Variants in BACH2 observed in about 807,000 individuals in gnomAD.
BACH2 encodes transcription regulator protein BACH2.
Under a neutral mutation model 61.8 loss-of-function variants are expected in BACH2, and 5 were observed. The observed-to-expected ratio is 0.08, with a 90% CI of 0.04 to 0.17. The LOEUF (loss-of-function observed/expected upper bound fraction) is 0.17, where lower values mean the gene tolerates loss of function less well. BACH2 is among the 10% of genes least tolerant of loss of function. BACH2 has a pLI of 1.00. For synonymous variants in BACH2, 446 were observed against 440.1 expected (o/e 1.01, Z -0.17); for missense variants, 824 against 1,091.1 (o/e 0.76, Z 3.45).
intron 5 of BACH2, among the ~76,000 whole-genome samples, chr6:90,081,823 C>G (rs1244577769): frequency 6.6e-6 from 1 of 152,062 alleles, no homozygotes; most frequent in African/African-American, 2.4e-5. Context: ...TCTAACAATT[C>G]CTTAAATTTT....
At chr6:90,139,615 G>C (rs1278642509) in intron 4 of BACH2, among the ~76,000 whole-genome samples, 2 of 152,288 alleles carry the variant, frequency 1.3e-5, no homozygotes, top group African/African-American at 4.8e-5. Context: ...GAGGGGTAGG[G>C]GTTGGGGATA....
chr6:90,296,321 AGGGCGCGGGGAG>A (rs1772385839), intron 1 of BACH2, among the ~76,000 whole-genome samples, 147 bp downstream of exon 1: 1 of 151,134 alleles, frequency 6.6e-6, no homozygotes, highest in Admixed American at 6.6e-5. Flanking sequence ...AAAAGCGGGC[AGGGCGCGGGGAG>A]GGCGGCTGCG....
chr6:90,156,751 GAAC>G (rs1328523511), intron 4 of BACH2, among the ~76,000 whole-genome samples: 3 of 152,030 alleles, frequency 2.0e-5, no homozygotes, highest in East Asian at 1.9e-4. Context: ...AGCCCTGCAG[GAAC>G]AACAACAACA....
intron 7 of BACH2, among the ~76,000 whole-genome samples, chr6:89,939,933 C>T (rs991499192): frequency 6.7e-6 from 1 of 149,550 alleles, no homozygotes; most frequent in African/African-American, 2.5e-5. Flanking sequence ...AACTCCTGGG[C>T]TCAAGTGATT....
chr6:89,931,888 C>T lies in BACH2; in HGVS notation c.*520G>A, dbSNP rs190859281. ...TGTTTCTAAATGAGAAATAAGTTTC[C>T]AGTTTTAGGATGAGAAAGTTGAGGC... is the stretch of plus-strand genomic sequence containing the variant. On this transcript the variant is annotated 3_prime_UTR_variant, in exon 9 of 9. Coordinates refer to ENST00000257749, the MANE Select transcript of BACH2 (RefSeq NM_021813.4). The T allele has an allele frequency of 2.0e-5, 3 of 149,796 alleles. No homozygotes were observed. The East Asian group carries it at 5.7e-4, about 29-fold the overall frequency. 9.3% of individuals were successfully genotyped at this position (149,796 alleles called of 1,614,324 possible).
intron 3 of BACH2, among the ~76,000 whole-genome samples, chr6:90,213,801 T>C (rs1193857133): frequency 3.9e-5 from 6 of 152,182 alleles, no homozygotes; most frequent in Admixed American, 3.9e-4. Context: ...CAAATTTAAT[T>C]ATAATGTTTG....
At position 89,934,444 on chromosome 6, in the gene BACH2, G is replaced by A. The variant is rs572139363; in HGVS notation, c.2044-1554C>T. On this transcript the variant is annotated intron_variant, in intron 8 of 8. Coordinates refer to ENST00000257749, the MANE Select transcript of BACH2 (RefSeq NM_021813.4). Reference sequence around the variant, plus strand: ...CGGCTGAGATGGGCAGATCACTTGAGGTCAGGAGTTCGAGACCAGCCTGGC... The same window carrying A: ...CGGCTGAGATGGGCAGATCACTTGAAGTCAGGAGTTCGAGACCAGCCTGGC... Among the ~76,000 whole-genome samples, 37 of 152,272 alleles carry A rather than the reference G, an allele frequency of 2.4e-4. 1 individual carries two copies. The South Asian group carries it at 5.6e-3, about 23-fold the overall frequency.
chr6:90,116,581 C>A (rs1051485686), intron 4 of BACH2: 3 of 187,320 alleles, frequency 1.6e-5, no homozygotes, highest in Admixed American at 1.1e-4. Flanking sequence ...ATCTATATAA[C>A]AAACCTTCAC....
Position 90,259,189 on chromosome 6 carries a change from T to C in BACH2, c.-352-6599A>G, listed in dbSNP as rs934443091. On this transcript the variant is annotated intron_variant, in intron 2 of 8. Transcript: ENST00000257749. ...ACTTTCAGTTTTCCCCCATGTATTA[T>C]AATGTTAGCTGTGGGTTTTTCATAA... 3.3e-5 allele frequency among the ~76,000 whole-genome samples: 5 copies of C among 152,236 alleles called. No individual in the cohort carries two copies. The East Asian group carries it at 7.7e-4, about 23-fold the overall frequency.
intron 8 of BACH2, among the ~76,000 whole-genome samples, chr6:89,934,579 A>C (rs1185122869): frequency 6.6e-6 from 1 of 152,134 alleles, no homozygotes; most frequent in Non-Finnish European, 1.5e-5. Flanking sequence ...GAATTGCTTG[A>C]ATCCGGGAGG....
At chr6:89,994,847 T>C (rs1179925580) in intron 6 of BACH2, among the ~76,000 whole-genome samples, 2 of 152,228 alleles carry the variant, frequency 1.3e-5, no homozygotes, top group African/African-American at 2.4e-5. Context: ...AAGAACTCCA[T>C]TACATTTCTA....
intron 3 of BACH2, among the ~76,000 whole-genome samples, chr6:90,216,251 C>T (rs1769531845): frequency 6.6e-6 from 1 of 152,204 alleles, no homozygotes; most frequent in Admixed American, 6.5e-5. Flanking sequence ...CTGTGGAAAG[C>T]TCCACATTCC....
chr6:90,020,193 C>A (rs1205043153), intron 5 of BACH2, among the ~76,000 whole-genome samples: 1 of 152,130 alleles, frequency 6.6e-6, no homozygotes, highest in East Asian at 1.9e-4. Context: ...ATGGAACATA[C>A]CTTTCTGCTT....
intron 2 of BACH2, among the ~76,000 whole-genome samples, chr6:90,264,779 C>A (rs141801561): frequency 3.3e-5 from 5 of 152,176 alleles, no homozygotes; most frequent in African/African-American, 1.2e-4. Flanking sequence ...CCAGTGAGAC[C>A]CTGGTTCACC....
At chr6:90,011,974 GTA>G (rs1554227969) in intron 5 of BACH2, among the ~76,000 whole-genome samples, 2 of 147,796 alleles carry the variant, frequency 1.4e-5, no homozygotes, top group African/African-American at 5.1e-5. Flanking sequence ...GTGTGTGTGT[GTA>G]TGAGTGATGA....
At chr6:89,946,324 C>T (rs1433728332) in intron 7 of BACH2, among the ~76,000 whole-genome samples, 3 of 152,140 alleles carry the variant, frequency 2.0e-5, no homozygotes, top group Non-Finnish European at 4.4e-5. Flanking sequence ...AGACTGGTGA[C>T]AACTAGTATG....
chr6:90,187,821 CA>C (rs1768413687), intron 4 of BACH2, among the ~76,000 whole-genome samples: 1 of 152,222 alleles, frequency 6.6e-6, no homozygotes, highest in South Asian at 2.1e-4. Context: ...TTAACTCTCA[CA>C]ACCGATCTTT....
intron 4 of BACH2, among the ~76,000 whole-genome samples, chr6:90,191,745 A>C (rs1768581703): frequency 6.6e-6 from 1 of 152,232 alleles, no homozygotes; most frequent in Admixed American, 6.5e-5. Flanking sequence ...TATTGTAAAG[A>C]GGCTAATGCA....
intron 5 of BACH2, among the ~76,000 whole-genome samples, chr6:90,030,357 G>C (rs764155595): frequency 2.6e-5 from 4 of 152,054 alleles, no homozygotes; most frequent in African/African-American, 4.8e-5. Context: ...GGAAGGCCTG[G>C]GTTTGAGAGA....
Sources: allele counts gnomAD v4.1 joint callset (sites outside exome capture counted in the v4.1 genomes callset), GRCh38; gene constraint gnomAD v4.1.1; transcripts MANE v1.5; gene names NCBI Gene and HGNC (gene_info 2026-07-23, HGNC 2026-07-21).